Variants in CRYBG1 observed in about 807,000 individuals in gnomAD.
The protein encoded by CRYBG1 is crystallin beta-gamma domain containing 1.
CRYBG1 carries 139 observed loss-of-function variants against 189.2 expected under a neutral mutation model. The observed-to-expected ratio is 0.73, with a 90% confidence interval of 0.64 to 0.85. CRYBG1 has a LOEUF of 0.85. CRYBG1 is among the 40% of genes least tolerant of loss of function. CRYBG1 has a pLI of 0.00. For synonymous variants in CRYBG1, 1,023 were observed against 1,017.1 expected, an observed-to-expected ratio of 1.01 and a Z score of -0.11; for missense variants, 2,611 against 2,675.8, an observed-to-expected ratio of 0.98 and a Z score of 0.53.
At chr6:106,524,812 T>C (rs1773696148) in intron 4 of CRYBG1, among the ~76,000 whole-genome samples, 1 of 152,236 alleles carries the variant, frequency 6.6e-6, no homozygotes, top group South Asian at 2.1e-4. Flanking sequence ...TTATTTGAAT[T>C]AGAATCTCTT....
chr6:106,384,966 C>T (rs1220274416), intron 1 of CRYBG1, among the ~76,000 whole-genome samples: 2 of 151,726 alleles, frequency 1.3e-5, no homozygotes, highest in East Asian at 3.9e-4. Flanking sequence ...TCCCATAATT[C>T]CAGTTTGGCT....
In CRYBG1 at chr6:106,419,173, A is replaced by G. The variant is rs572403240; in HGVS notation, c.174-32521A>G. ...GAAACAGCTGCTGGCATTCACCTGT[A>G]CAAGCTTCCACCTTGCTTATCTATG... is the stretch of plus-strand genomic sequence containing the variant. On this transcript the variant is annotated intron_variant, in intron 1 of 21. Transcript: ENST00000633556. Among the ~76,000 whole-genome samples, 286 of 152,286 alleles carry G rather than the reference A, an allele frequency of 1.9e-3. 1 individual carries two copies. The highest frequency in any genetic ancestry group is 2.3e-3 in the Non-Finnish European group (155 of 68,026).
At chr6:106,513,564 T>G (rs1425571595) in intron 3 of CRYBG1, among the ~76,000 whole-genome samples, 1 of 152,228 alleles carries the variant, frequency 6.6e-6, no homozygotes, top group African/African-American at 2.4e-5. Context: ...GAAAAGTTCC[T>G]AATACAAGTA....
At chr6:106,440,298 T>C (rs1177772951) in intron 1 of CRYBG1, among the ~76,000 whole-genome samples, 1 of 151,810 alleles carries the variant, frequency 6.6e-6, no homozygotes, top group Non-Finnish European at 1.5e-5. Flanking sequence ...AGAGTCTCTC[T>C]CTGTCACCCA....
At position 106,569,313 on chromosome 6, in the gene CRYBG1, C is replaced by G. The variant is rs1010775571; in HGVS notation, c.*747C>G. 9.2e-5 allele frequency: 14 copies of G among 152,156 alleles called. No homozygotes were observed. The highest frequency in any genetic ancestry group is 3.4e-4 in the African/African-American group (14 of 41,442). The allele number at this position is 152,156 out of a possible 1,614,324, so 9.4% of individuals were successfully genotyped here. On this transcript the variant is annotated 3_prime_UTR_variant, in exon 22 of 22. Transcript: ENST00000633556. ...CGGCTCACTGCAGCCTCTACCTCCC[C>G]AGGCTCAGGTGATCCTCCCACCTCA...
intron 1 of CRYBG1, among the ~76,000 whole-genome samples, chr6:106,448,033 G>C (rs183332689): frequency 1.3e-5 from 2 of 152,346 alleles, no homozygotes; most frequent in East Asian, 3.9e-4. Context: ...TAGAAGGCCT[G>C]TGACTGACTC....
At chr6:106,429,747 C>T (rs987006883) in intron 1 of CRYBG1, among the ~76,000 whole-genome samples, 1 of 152,172 alleles carries the variant, frequency 6.6e-6, no homozygotes, top group Non-Finnish European at 1.5e-5. Flanking sequence ...TCCTCCTCTG[C>T]ATAAAATGCA....
intron 1 of CRYBG1, among the ~76,000 whole-genome samples, chr6:106,384,365 A>G (rs1381768895): frequency 6.6e-6 from 1 of 152,146 alleles, no homozygotes; most frequent in Non-Finnish European, 1.5e-5. Flanking sequence ...GGATGATTTA[A>G]GTGCATTACA....
At chr6:106,466,884 A>T (rs1772122820) in intron 2 of CRYBG1, among the ~76,000 whole-genome samples, 1 of 152,236 alleles carries the variant, frequency 6.6e-6, no homozygotes, top group Non-Finnish European at 1.5e-5. Context: ...TTGAGCAAAG[A>T]CATATTTGTG....
Position 106,558,521 on chromosome 6 carries a change from A to C in CRYBG1, c.5751A>C (p.Arg1917Ser). ...AACCAACAATTATTCTCTTTGAAAG[A>C]GAAGACTTCAAAGGAAAAAAGATTG... ...FSEPTIILFEREDFKGKKIEL... is the reference protein window; with the variant it reads ...FSEPTIILFESEDFKGKKIEL... The change falls in exon 18 of 22, where the codon AGA becomes AGC. Residue 1917 changes from arginine (R) to serine (S), a missense_variant. Physicochemically the swap from Arg to Ser is moderately radical, Grantham distance 110. Transcript: ENST00000633556. 3 of 1,607,750 alleles carry C rather than the reference A, an allele frequency of 1.9e-6. No individual in the cohort carries two copies. Among genetic ancestry groups the C allele is most frequent in the Non-Finnish European group, 2.6e-6 (3 of 1,175,426 alleles).
intron 17 of CRYBG1, among the ~76,000 whole-genome samples, chr6:106,557,954 A>T (rs928348506): frequency 3.3e-5 from 5 of 152,098 alleles, no homozygotes; most frequent in African/African-American, 9.7e-5. Flanking sequence ...CTTGACAATG[A>T]TTCCTACAGG....
intron 1 of CRYBG1, among the ~76,000 whole-genome samples, chr6:106,390,107 T>G (rs1253202997): frequency 6.6e-6 from 1 of 152,164 alleles, no homozygotes; most frequent in Non-Finnish European, 1.5e-5. Context: ...AGGCTTACAG[T>G]TTAATTAATT....
At chr6:106,393,786 C>T (rs1330433832) in intron 1 of CRYBG1, among the ~76,000 whole-genome samples, 1 of 151,800 alleles carries the variant, frequency 6.6e-6, no homozygotes. Flanking sequence ...AGGAATTCTC[C>T]TGCTTCAGCC....
At chr6:106,491,934 G>A (rs542138709) in intron 2 of CRYBG1, among the ~76,000 whole-genome samples, 8 of 151,662 alleles carry the variant, frequency 5.3e-5, no homozygotes, top group East Asian at 3.9e-4. Context: ...AATCTTCTTC[G>A]TGCCTTATAA....
chr6:106,548,620 T>A (rs1236300066), intron 13 of CRYBG1, among the ~76,000 whole-genome samples: 2 of 152,146 alleles, frequency 1.3e-5, no homozygotes, highest in African/African-American at 4.8e-5. Context: ...CCCTCTTATC[T>A]CTCTACTTGT....
chr6:106,454,014 G>A (rs576972521), intron 2 of CRYBG1, among the ~76,000 whole-genome samples: 25 of 152,212 alleles, frequency 1.6e-4, no homozygotes, highest in South Asian at 4.2e-4. Context: ...TCAGCCAGGC[G>A]CTGTCTCTAC....
chr6:106,437,933 T>A (rs555270223), intron 1 of CRYBG1, among the ~76,000 whole-genome samples: 38 of 152,250 alleles, frequency 2.5e-4, no homozygotes, highest in Non-Finnish European at 4.8e-4. Flanking sequence ...CACAGTTCTC[T>A]TTAGCTCAGA....
chr6:106,469,710 C>T (rs557485634), intron 2 of CRYBG1, among the ~76,000 whole-genome samples: 1 of 152,110 alleles, frequency 6.6e-6, no homozygotes, highest in Non-Finnish European at 1.5e-5. Flanking sequence ...AGTCCAAAAC[C>T]TGTTTTGTTC....
intron 1 of CRYBG1, among the ~76,000 whole-genome samples, chr6:106,396,316 A>G (rs1159791384): frequency 6.6e-6 from 1 of 152,180 alleles, no homozygotes; most frequent in African/African-American, 2.4e-5. Flanking sequence ...AATTTTGACT[A>G]CTGTTTCAGT....
Sources: allele counts gnomAD v4.1 joint callset (sites outside exome capture counted in the v4.1 genomes callset), GRCh38; gene constraint gnomAD v4.1.1; transcripts MANE v1.5; gene names NCBI Gene and HGNC (gene_info 2026-07-23, HGNC 2026-07-21).